Variants in CEP112 observed in about 807,000 individuals in gnomAD.
The protein encoded by CEP112 is centrosomal protein of 112 kDa.
CEP112 carries 127 observed loss-of-function variants against 153.0 expected under a neutral mutation model. That is an observed-to-expected ratio of 0.83 (90% CI 0.72 to 0.96). The LOEUF (loss-of-function observed/expected upper bound fraction) is 0.96, where lower values mean the gene tolerates loss of function less well. Ranked by LOEUF, CEP112 falls within the 40% of genes least tolerant of loss-of-function variation. CEP112 has a pLI of 0.00. For missense variants in CEP112, 1,089 were observed against 1,101.2 expected, an observed-to-expected ratio of 0.99 and a Z score of 0.16; for synonymous variants, 358 against 374.4, an observed-to-expected ratio of 0.96 and a Z score of 0.51.
chr17:66,086,906 T>C lies in CEP112; in HGVS notation c.768+9345A>G, dbSNP rs376096717. ...TAATCAGACATGCTACTTTAAAAGA[T>C]AGATGAAACTAAGATAGTTTTTACA... On this transcript the variant is annotated intron_variant, in intron 8 of 26. Transcript: ENST00000535342. 4.3e-4 allele frequency among the ~76,000 whole-genome samples: 65 copies of C among 152,282 alleles called. 1 individual carries two copies. The highest frequency in any genetic ancestry group is 4.1e-3 in the East Asian group (21 of 5,178).
intron 16 of CEP112, among the ~76,000 whole-genome samples, chr17:66,021,661 C>T (rs1292000421): frequency 6.6e-6 from 1 of 152,124 alleles, no homozygotes; most frequent in Non-Finnish European, 1.5e-5. Flanking sequence ...GCAGTGGTTG[C>T]TCTGTTTCTT....
At chr17:65,660,417 C>T (rs2046315074) in intron 24 of CEP112, among the ~76,000 whole-genome samples, 1 of 115,762 alleles carries the variant, frequency 8.6e-6, no homozygotes, top group Admixed American at 8.7e-5. Context: ...CTCCCTCCCA[C>T]CCTCCCTCCT....
intron 8 of CEP112, among the ~76,000 whole-genome samples, chr17:66,079,896 C>CA (rs749687009): frequency 2.6e-5 from 4 of 151,980 alleles, no homozygotes; most frequent in Non-Finnish European, 5.9e-5. Context: ...CCGAAAAAAA[C>CA]AAACAATGGG....
At position 65,669,626 on chromosome 17, in the gene CEP112, G is replaced by A. The variant is rs559848905; in HGVS notation, c.2697+19503C>T. Among the ~76,000 whole-genome samples, 261 of 152,286 alleles carry A rather than the reference G, an allele frequency of 1.7e-3. 1 individual carries two copies. The highest frequency in any genetic ancestry group is 0.012 in the South Asian group (59 of 4,822). On this transcript the variant is annotated intron_variant, in intron 24 of 26. Transcript: ENST00000535342. ...GCTGTCTAAAAAAGAAGAAAAGGCC[G>A]GGTACGGTGGCTCATGCCTGTAATC...
chr17:65,744,251 G>GTTTC (rs1219430493), intron 22 of CEP112, among the ~76,000 whole-genome samples: 1 of 151,314 alleles, frequency 6.6e-6, no homozygotes, highest in Admixed American at 6.6e-5. Context: ...TTGTTTGTTT[G>GTTTC]TTTGTTTGTT....
intron 16 of CEP112, among the ~76,000 whole-genome samples, chr17:66,022,677 C>A (rs1289776389): frequency 2.9e-5 from 4 of 140,232 alleles, no homozygotes; most frequent in African/African-American, 1.1e-4. Flanking sequence ...CCACTGCACT[C>A]CAGCCTGGAT....
At chr17:65,810,816 T>C (rs1368233316) in intron 21 of CEP112, among the ~76,000 whole-genome samples, 1 of 152,192 alleles carries the variant, frequency 6.6e-6, no homozygotes, top group Non-Finnish European at 1.5e-5. Context: ...TGTAGTGTAC[T>C]AGTGAAGACC....
intron 23 of CEP112, among the ~76,000 whole-genome samples, chr17:65,713,946 C>CTT (rs2049347224): frequency 6.6e-6 from 1 of 152,166 alleles, no homozygotes; most frequent in Non-Finnish European, 1.5e-5. Context: ...AACACCAAAG[C>CTT]CACCTCTTCT....
intron 23 of CEP112, among the ~76,000 whole-genome samples, chr17:65,704,334 C>T (rs2048799126): frequency 6.6e-6 from 1 of 151,880 alleles, no homozygotes; most frequent in South Asian, 2.1e-4. Flanking sequence ...GTTTTTGGTT[C>T]TTTGTTACAG....
intron 8 of CEP112, among the ~76,000 whole-genome samples, chr17:66,077,831 G>C (rs961176308): frequency 1.3e-5 from 2 of 152,168 alleles, no homozygotes; most frequent in African/African-American, 2.4e-5. Context: ...CCACTCTGTG[G>C]GTTGTCTGTT....
chr17:65,682,719 C>A (rs1286523593), intron 24 of CEP112, among the ~76,000 whole-genome samples: 2 of 152,098 alleles, frequency 1.3e-5, no homozygotes, highest in Non-Finnish European at 2.9e-5. Context: ...TGATATCACA[C>A]CTTCTGGCCA....
At chr17:65,887,040 T>C (rs150367435) in intron 20 of CEP112, among the ~76,000 whole-genome samples, 3 of 152,210 alleles carry the variant, frequency 2.0e-5, no homozygotes, top group East Asian at 3.9e-4. Context: ...TTCTGTGAAA[T>C]TGCCCTCACA....
intron 17 of CEP112, among the ~76,000 whole-genome samples, chr17:65,969,623 C>G (rs1226851556): frequency 6.6e-6 from 1 of 152,182 alleles, no homozygotes; most frequent in Admixed American, 6.5e-5. Context: ...GTGCCGCATG[C>G]ACTGCACACA....
intron 20 of CEP112, among the ~76,000 whole-genome samples, chr17:65,863,104 T>C (rs1456579014): frequency 6.6e-6 from 1 of 152,156 alleles, no homozygotes; most frequent in Non-Finnish European, 1.5e-5. Context: ...TCAAAATTAT[T>C]CCTCCATTTT....
chr17:66,186,212 T>C (rs1040125068), intron 1 of CEP112, among the ~76,000 whole-genome samples: 2 of 152,120 alleles, frequency 1.3e-5, no homozygotes, highest in Non-Finnish European at 2.9e-5. Flanking sequence ...ACCATCTGAC[T>C]ACCATGTACT....
intron 21 of CEP112, among the ~76,000 whole-genome samples, chr17:65,833,225 T>C (rs1401589291): frequency 6.6e-6 from 1 of 152,110 alleles, no homozygotes; most frequent in Non-Finnish European, 1.5e-5. Flanking sequence ...ATAAGAGCCA[T>C]CTATAACAAA....
At chr17:65,821,829 G>A (rs963847825) in intron 21 of CEP112, among the ~76,000 whole-genome samples, 1 of 151,288 alleles carries the variant, frequency 6.6e-6, no homozygotes, top group East Asian at 1.9e-4. Flanking sequence ...TGGGATTACA[G>A]GCATGAGCCA....
intron 6 of CEP112, among the ~76,000 whole-genome samples, chr17:66,125,734 GGAAAA>G (rs1352736384): frequency 1.4e-4 from 21 of 149,432 alleles, no homozygotes; most frequent in Non-Finnish European, 2.8e-4. Flanking sequence ...ATGAAGAAGA[GGAAAA>G]GAAAAGAAAA....
intron 23 of CEP112, among the ~76,000 whole-genome samples, chr17:65,693,695 T>C (rs8081418): frequency 0.027 from 4,115 of 152,264 alleles, 127 homozygotes; most frequent in African/African-American, 0.073. Context: ...TTGAAGGTGC[T>C]GGCGGGACTT....
Sources: gnomAD v4.1 joint callset for allele counts (sites outside exome capture counted in the v4.1 genomes callset) on GRCh38, gnomAD v4.1.1 for gene constraint, MANE v1.5 for transcripts, NCBI Gene and HGNC (gene_info 2026-07-23, HGNC 2026-07-21) for gene names.